F13A1: variants seen among roughly 807,000 people sequenced by gnomAD.
F13A1 encodes coagulation factor XIII A chain, also known as FSF, A subunit.
In F13A1, 47 loss-of-function variants were observed where a neutral mutation model predicts 80.1. That is an observed-to-expected ratio of 0.59 (90% confidence interval 0.46 to 0.75). The LOEUF is 0.75. Ranked by LOEUF, F13A1 falls within the 30% of genes least tolerant of loss-of-function variation. The probability of loss-of-function intolerance (pLI) is 0.00; values close to 1 mark genes in which losing one functional copy is unlikely to be tolerated. For missense variants in F13A1, 817 were observed against 930.4 expected, an observed-to-expected ratio of 0.88 and a Z score of 1.59; for synonymous variants, 349 against 344.9, an observed-to-expected ratio of 1.01 and a Z score of -0.13.
At chr6:6,300,938 G>A (rs1758420536) in intron 3 of F13A1, among the ~76,000 whole-genome samples, 1 of 152,078 alleles carries the variant, frequency 6.6e-6, no homozygotes, top group African/African-American at 2.4e-5. Context: ...CTCTTGAAAT[G>A]GTGTTGCCAG....
intron 2 of F13A1, among the ~76,000 whole-genome samples, chr6:6,312,183 G>T (rs1258650650): frequency 6.6e-6 from 1 of 151,560 alleles, no homozygotes; most frequent in African/African-American, 2.4e-5. Flanking sequence ...ATCTATACTG[G>T]TATACTTTAG....
chr6:6,275,532 C>A (rs1757976685), intron 3 of F13A1, among the ~76,000 whole-genome samples: 1 of 151,990 alleles, frequency 6.6e-6, no homozygotes, highest in Admixed American at 6.6e-5. Flanking sequence ...ACCACACCCA[C>A]TAATTTTTGT....
intron 3 of F13A1, among the ~76,000 whole-genome samples, chr6:6,304,591 G>A (rs1409399591): frequency 6.6e-6 from 1 of 152,180 alleles, no homozygotes; most frequent in Non-Finnish European, 1.5e-5. Context: ...GCTGGGCATG[G>A]TGTCTCATGC....
intron 2 of F13A1, among the ~76,000 whole-genome samples, chr6:6,313,157 G>A (rs1289036504): frequency 6.6e-6 from 1 of 152,120 alleles, no homozygotes; most frequent in Non-Finnish European, 1.5e-5. Context: ...GGTTAACAAG[G>A]CAGTTTAGAT....
chr6:6,144,503 C>T lies in F13A1; in HGVS notation c.*1116G>A, dbSNP rs1052326207. 1.3e-5 allele frequency: 2 copies of T among 152,208 alleles called. No individual in the cohort carries two copies. The highest frequency in any genetic ancestry group is 2.9e-5 in the Non-Finnish European group (2 of 68,070). The allele number at this position is 152,208 out of a possible 1,614,324, so 9.4% of individuals were successfully genotyped here. On this transcript the variant is annotated 3_prime_UTR_variant, in exon 15 of 15. Coordinates refer to ENST00000264870, the MANE Select transcript of F13A1 (RefSeq NM_000129.4). The stretch of plus-strand genomic sequence containing the variant: ...AGCAGGCAGCCTTCTCTGTAGTAGC[C>T]TTGGAACATAATACAAATGATGTCA...
chr6:6,167,342 TTTTTGAG>T, intron 13 of F13A1, 109 bp downstream of exon 13: 1 of 876,474 alleles, frequency 1.1e-6, no homozygotes, highest in Admixed American at 3.0e-5. Context: ...TTTTTTTTTT[TTTTTGAG>T]CAGGACATTC....
chr6:6,163,470 C>A (rs1265170508), intron 13 of F13A1, among the ~76,000 whole-genome samples: 2 of 152,126 alleles, frequency 1.3e-5, no homozygotes, highest in Non-Finnish European at 2.9e-5. Context: ...TTTTCCTGAT[C>A]CTCTCCCTCC....
In F13A1 at chr6:6,281,275, T is replaced by A. The variant is rs145442979; in HGVS notation, c.320-14466A>T. Among the ~76,000 whole-genome samples the A allele has an allele frequency of 9.3e-4, 141 of 152,314 alleles. 1 individual carries two copies. The highest frequency in any genetic ancestry group is 3.2e-3 in the African/African-American group (134 of 41,574). On this transcript the variant is annotated intron_variant, in intron 3 of 14. Coordinates refer to ENST00000264870, the MANE Select transcript of F13A1 (RefSeq NM_000129.4). ...TAGAATTTCACTCATTGCATAAAATTGGGAGAGGGCATGCTCTTTACTTCA... is the reference window on the plus strand; with the variant it reads ...TAGAATTTCACTCATTGCATAAAATAGGGAGAGGGCATGCTCTTTACTTCA...
At chr6:6,204,340 A>G (rs1216368663) in intron 8 of F13A1, among the ~76,000 whole-genome samples, 1 of 152,210 alleles carries the variant, frequency 6.6e-6, no homozygotes, top group Non-Finnish European at 1.5e-5. Context: ...AAATAAGATC[A>G]AGAGAAAGCC....
chr6:6,213,257 A>G (rs1381797194), intron 8 of F13A1, among the ~76,000 whole-genome samples: 2 of 151,506 alleles, frequency 1.3e-5, no homozygotes, highest in Non-Finnish European at 3.0e-5. Context: ...ATGAAGGAAA[A>G]AATGTTAAGG....
chr6:6,204,380 C>T (rs958005292), intron 8 of F13A1, among the ~76,000 whole-genome samples: 1 of 152,220 alleles, frequency 6.6e-6, no homozygotes, highest in Admixed American at 6.5e-5. Flanking sequence ...CCAACTTCAA[C>T]TGTAAACCAA....
intron 2 of F13A1, among the ~76,000 whole-genome samples, chr6:6,308,500 AAC>A (rs1334636569): frequency 6.6e-6 from 1 of 151,824 alleles, no homozygotes; most frequent in African/African-American, 2.4e-5. Flanking sequence ...TTTTAAAATA[AAC>A]AGTCTATTAT....
chr6:6,287,623 T>C (rs1235647575), intron 3 of F13A1, among the ~76,000 whole-genome samples: 1 of 152,148 alleles, frequency 6.6e-6, no homozygotes, highest in Non-Finnish European at 1.5e-5. Context: ...TCAGCGACTC[T>C]ATTACCCTAG....
chr6:6,175,232 T>C (rs546060756), intron 11 of F13A1, among the ~76,000 whole-genome samples: 3 of 152,336 alleles, frequency 2.0e-5, no homozygotes, highest in Non-Finnish European at 1.5e-5. Context: ...TGGCTAGAAT[T>C]TGGGGACCTC....
At chr6:6,161,274 CTGGCCCACTTCAGGCCAG>C (rs1481110086) in intron 13 of F13A1, among the ~76,000 whole-genome samples, 1 of 152,154 alleles carries the variant, frequency 6.6e-6, no homozygotes, top group Non-Finnish European at 1.5e-5. Flanking sequence ...ACTCAGGCCA[CTGGCCCACTTCAGGCCAG>C]TGGCCCACAT....
At chr6:6,156,163 T>G (rs1345373499) in intron 13 of F13A1, among the ~76,000 whole-genome samples, 1 of 152,230 alleles carries the variant, frequency 6.6e-6, no homozygotes, top group Non-Finnish European at 1.5e-5. Flanking sequence ...TATCTCTCTC[T>G]GTTTTAAAAA....
intron 3 of F13A1, among the ~76,000 whole-genome samples, chr6:6,289,082 A>T (rs1758175817): frequency 6.6e-6 from 1 of 152,228 alleles, no homozygotes; most frequent in African/African-American, 2.4e-5. Context: ...TTGTGAGAAT[A>T]AAAAAGTGGT....
chr6:6,190,512 G>C (rs1303607151), intron 10 of F13A1, among the ~76,000 whole-genome samples: 1 of 150,502 alleles, frequency 6.6e-6, no homozygotes, highest in Non-Finnish European at 1.5e-5. Flanking sequence ...CCCTGCTGGG[G>C]GGTGCCTCCC....
intron 3 of F13A1, among the ~76,000 whole-genome samples, chr6:6,301,535 G>A (rs1758431136): frequency 6.6e-6 from 1 of 152,148 alleles, no homozygotes; most frequent in Non-Finnish European, 1.5e-5. Flanking sequence ...GTTCTGAAAG[G>A]TTTAGAATAC....
Sources: gnomAD v4.1 joint callset for allele counts (sites outside exome capture counted in the v4.1 genomes callset) on GRCh38, gnomAD v4.1.1 for gene constraint, MANE v1.5 for transcripts, NCBI Gene and HGNC (gene_info 2026-07-23, HGNC 2026-07-21) for gene names.